Variants in FGFR2 observed in about 807,000 individuals in gnomAD.
FGFR2 encodes the protein BEK fibroblast growth factor receptor.
FGFR2 carries 19 observed loss-of-function variants against 95.9 expected under a neutral mutation model. The ratio of observed to expected loss-of-function variants is 0.20; its 90% CI spans 0.14 to 0.29. FGFR2 has a LOEUF of 0.29. FGFR2 is among the 10% of genes least tolerant of loss of function. The pLI is 1.00. For synonymous variants in FGFR2, 392 were observed against 393.3 expected (o/e 1.00, Z 0.04); for missense variants, 707 against 1,056.9 (o/e 0.67, Z 4.59).
At chr10:121,568,631 GA>G (rs369077717) in intron 2 of FGFR2, among the ~76,000 whole-genome samples, 8 of 144,882 alleles carry the variant, frequency 5.5e-5, no homozygotes, top group African/African-American at 1.0e-4. Context: ...GGGAAAAAAA[GA>G]AAAAAAAAAG....
chr10:121,495,005 C>T (rs918825585), intron 13 of FGFR2, among the ~76,000 whole-genome samples: 6 of 152,138 alleles, frequency 3.9e-5, no homozygotes, highest in African/African-American at 7.2e-5. Flanking sequence ...ATTGTCTCAT[C>T]GGCCCCCTTT....
At chr10:121,573,861 C>T (rs1302231080) in intron 2 of FGFR2, among the ~76,000 whole-genome samples, 2 of 152,164 alleles carry the variant, frequency 1.3e-5, no homozygotes, top group Non-Finnish European at 2.9e-5. Flanking sequence ...CCTCCCACAC[C>T]TCCTGCCACC....
rs565934130 is a variant in FGFR2, at chr10:121,529,956, G to C, written c.748+8636C>G. ...CTCTATTTTCTCCCTCCAAGCCAAA[G>C]CAATGAGGCTCCCATTGCCTCATCG... On this transcript the variant is annotated intron_variant, in intron 6 of 17. Transcript: ENST00000358487. Among the ~76,000 whole-genome samples the C allele has an allele frequency of 2.0e-5, 3 of 152,240 alleles. No homozygotes were observed. The East Asian group carries it at 5.8e-4, about 30-fold the overall frequency.
chr10:121,542,025 A>G (rs778771519), intron 5 of FGFR2, among the ~76,000 whole-genome samples: 5 of 152,248 alleles, frequency 3.3e-5, no homozygotes, highest in Non-Finnish European at 7.3e-5. Flanking sequence ...TTAAGAATGC[A>G]TAGTTCATCC....
At chr10:121,579,638 T>A (rs1332221784) in intron 2 of FGFR2, among the ~76,000 whole-genome samples, 2 of 152,162 alleles carry the variant, frequency 1.3e-5, no homozygotes, top group Admixed American at 1.3e-4. Context: ...GAGTAGCTGA[T>A]ATTTGCATGT....
chr10:121,598,158 G>C lies in FGFR2; in HGVS notation c.-347C>G, dbSNP rs946198044. 1 of 398,310 alleles carries C rather than the reference G, an allele frequency of 2.5e-6. No homozygotes were observed. Among genetic ancestry groups the C allele is most frequent in the East Asian group, 3.6e-5 (1 of 28,044 alleles). 24.7% of individuals were successfully genotyped at this position (398,310 alleles called of 1,614,324 possible). On this transcript the variant is annotated 5_prime_UTR_variant, in exon 1 of 18. Coordinates refer to ENST00000358487, the MANE Select transcript of FGFR2 (RefSeq NM_000141.5). The stretch of plus-strand genomic sequence containing the variant: ...GGAGGAGCGCGGGCATGACGCCCGC[G>C]GGCTGCCCTCGGATTTGGGGAACGA...
chr10:121,562,219 A>G (rs1589996871), intron 4 of FGFR2, among the ~76,000 whole-genome samples: 1 of 151,954 alleles, frequency 6.6e-6, no homozygotes, highest in South Asian at 2.1e-4. Context: ...CCCCACAAAA[A>G]CCCGCACAAA....
rs1391275514 is a variant in FGFR2, at chr10:121,482,064, C to T, written c.2301+1634G>A. 4.4e-6 allele frequency: 4 copies of T among 907,768 alleles called. No homozygotes were observed. The East Asian group carries it at 1.0e-4, about 23-fold the overall frequency. The allele number at this position is 907,768 out of a possible 1,614,324, so 56.2% of individuals were successfully genotyped here. Reference sequence around the variant, plus strand: ...ATGTTGGCCAGGCTGGTCTGGAACTCCTGACCTCATGATCCGCCTGCCTCG... The same window carrying T: ...ATGTTGGCCAGGCTGGTCTGGAACTTCTGACCTCATGATCCGCCTGCCTCG... On this transcript the variant is annotated intron_variant, in intron 17 of 17. Transcript: ENST00000358487.
intron 6 of FGFR2, among the ~76,000 whole-genome samples, chr10:121,524,133 CACACACACACA>C (rs1850972069): frequency 6.7e-5 from 10 of 149,394 alleles, no homozygotes; most frequent in Admixed American, 5.3e-4. Flanking sequence ...CACACACACA[CACACACACACA>C]CACCCCAAGT....
At chr10:121,495,167 G>A (rs3135793) in intron 13 of FGFR2, among the ~76,000 whole-genome samples, 1 of 152,066 alleles carries the variant, frequency 6.6e-6, no homozygotes, top group Non-Finnish European at 1.5e-5. Flanking sequence ...GCACACACAC[G>A]CACGTGTACG....
At chr10:121,495,716 C>T (rs1440192083) in intron 13 of FGFR2, among the ~76,000 whole-genome samples, 1 of 152,104 alleles carries the variant, frequency 6.6e-6, no homozygotes, top group African/African-American at 2.4e-5. Context: ...GGGTGCACGC[C>T]GACCAGAGGA....
intron 9 of FGFR2, among the ~76,000 whole-genome samples, chr10:121,505,470 T>C (rs1003570165): frequency 5.3e-5 from 8 of 152,182 alleles, no homozygotes; most frequent in African/African-American, 1.9e-4. Flanking sequence ...TTATTCATTG[T>C]ATGGTCAAAA....
intron 9 of FGFR2, among the ~76,000 whole-genome samples, chr10:121,509,630 T>C (rs1045427188): frequency 1.3e-5 from 2 of 151,494 alleles, no homozygotes; most frequent in African/African-American, 4.8e-5. Flanking sequence ...ATTACAGGCA[T>C]GTACCACCAC....
chr10:121,576,505 T>C (rs976691699), intron 2 of FGFR2, among the ~76,000 whole-genome samples: 1 of 152,114 alleles, frequency 6.6e-6, no homozygotes, highest in African/African-American at 2.4e-5. Flanking sequence ...TGTGGGGGGC[T>C]CACAAGGAGG....
At chr10:121,494,184 C>T (rs776293182) in intron 13 of FGFR2, among the ~76,000 whole-genome samples, 20 of 152,042 alleles carry the variant, frequency 1.3e-4, no homozygotes, top group Non-Finnish European at 2.5e-4. Context: ...CAAAGTGCAG[C>T]GTCCTGGCAT....
intron 9 of FGFR2, among the ~76,000 whole-genome samples, chr10:121,510,534 T>C (rs1449273192): frequency 6.6e-6 from 1 of 152,154 alleles, no homozygotes; most frequent in African/African-American, 2.4e-5. Flanking sequence ...CAGATCATGA[T>C]GTTCAGCTGC....
In FGFR2 at chr10:121,483,794, C is replaced by T. The variant is rs1432567715; in HGVS notation, c.2205G>A (p.Met735Ile). The T allele has an allele frequency of 1.2e-6, 2 of 1,612,646 alleles. No individual in the cohort carries two copies. The highest frequency in any genetic ancestry group is 1.7e-6 in the Non-Finnish European group (2 of 1,179,004). Residue 735 changes from methionine to isoleucine, a missense_variant, in exon 17 of 18, where the codon ATG becomes ATA. Coordinates refer to ENST00000358487, the MANE Select transcript of FGFR2 (RefSeq NM_000141.5). ...PANCTNELYM[M>I]MRDCWHAVPS... ...GCACTGCATGCCAACAGTCCCTCAT[C>T]ATCATGTACCTGGGAAAAATGGATT...
intron 4 of FGFR2, among the ~76,000 whole-genome samples, chr10:121,560,508 G>A (rs1176221798): frequency 1.3e-5 from 2 of 151,146 alleles, no homozygotes; most frequent in Admixed American, 6.6e-5. Context: ...CCAGCTACTC[G>A]GGAGGCTGAG....
chr10:121,518,188 G>A lies in FGFR2; in HGVS notation c.940-725C>T, dbSNP rs897781964. 1.7e-5 allele frequency: 5 copies of A among 297,790 alleles called. No homozygotes were observed. The highest frequency in any genetic ancestry group is 2.6e-5 in the Non-Finnish European group (4 of 153,580). 18.4% of individuals were successfully genotyped at this position (297,790 alleles called of 1,614,324 possible). On this transcript the variant is annotated intron_variant, in intron 7 of 17. Coordinates refer to ENST00000358487, the MANE Select transcript of FGFR2 (RefSeq NM_000141.5). The surrounding 1 kb of genome is among the most constrained non-coding windows in gnomAD (Gnocchi z 4.0). ...ATTAAGATGAGCTCCCCTCAAATTT[G>A]GTGCAACAAGGTCAAGAACAGCAAC...
Sources: allele counts gnomAD v4.1 joint callset (sites outside exome capture counted in the v4.1 genomes callset), GRCh38; gene constraint gnomAD v4.1.1; non-coding constraint Gnocchi (gnomAD v3.1); transcripts MANE v1.5; gene names NCBI Gene and HGNC (gene_info 2026-07-23, HGNC 2026-07-21).